Variants in TENM2 observed in about 807,000 individuals in gnomAD.
TENM2 encodes the protein teneurin-2.
TENM2 carries 52 observed loss-of-function variants against 245.2 expected under a neutral mutation model. The ratio of observed to expected loss-of-function variants is 0.21; its 90% CI spans 0.17 to 0.27. The LOEUF (loss-of-function observed/expected upper bound fraction) is 0.27, where lower values mean the gene tolerates loss of function less well. Ranked by LOEUF, TENM2 falls within the 10% of genes least tolerant of loss-of-function variation. TENM2 has a pLI of 1.00. For missense variants in TENM2, 3,046 were observed against 3,666.8 expected, an observed-to-expected ratio of 0.83 and a Z score of 4.37; for synonymous variants, 1,363 against 1,438.9, an observed-to-expected ratio of 0.95 and a Z score of 1.19.
At position 167,774,190 on chromosome 5, in the gene TENM2, GAGGGAAGGAGGA is replaced by G. The variant is rs1763590793; in HGVS notation, c.503-101790_503-101779del. On this transcript the variant is annotated intron_variant, in intron 2 of 28. Transcript: ENST00000518659. ...GAAGGAAGGAAGGAAAGAAGGGAGG[GAGGGAAGGAGGA>G]AGGGAGGGAGGGAGGAAGGAAGGAA... Among the ~76,000 whole-genome samples the G allele has an allele frequency of 2.6e-5, 3 of 115,166 alleles. No individual in the cohort carries two copies. In the East Asian group the frequency reaches 8.4e-4, roughly 32 times the overall value. 75.6% of individuals were successfully genotyped at this position (115,166 alleles called of 152,430 possible). A position where few individuals can be genotyped will look rare whatever the true frequency, so the allele number is the denominator to read the frequency against.
intron 2 of TENM2, among the ~76,000 whole-genome samples, chr5:167,588,150 C>T (rs1035311842): frequency 3.3e-5 from 5 of 152,202 alleles, no homozygotes; most frequent in Non-Finnish European, 1.5e-5. Context: ...TCATAAATGA[C>T]ATGAACGTGC....
chr5:167,222,416 G>T, the TENM2 span, among the ~76,000 whole-genome samples: 1 of 152,142 alleles, frequency 6.6e-6, no homozygotes, highest in African/African-American at 2.4e-5. Flanking sequence ...CACAGTTTTG[G>T]TTCCACGTAG....
At chr5:167,403,736 A>T (rs1762485511) in intron 2 of TENM2, among the ~76,000 whole-genome samples, 1 of 152,122 alleles carries the variant, frequency 6.6e-6, no homozygotes, top group African/African-American at 2.4e-5. Flanking sequence ...ATGATTTTTT[A>T]AAATCTTTAC....
intron 3 of TENM2, among the ~76,000 whole-genome samples, chr5:167,908,709 C>T (rs1364134740): frequency 1.4e-5 from 2 of 147,940 alleles, no homozygotes; most frequent in East Asian, 4.0e-4. Context: ...CTCTCTCTCT[C>T]CTTCTCTCTT....
At chr5:167,400,641 G>A (rs926703697) in intron 2 of TENM2, among the ~76,000 whole-genome samples, 2 of 151,974 alleles carry the variant, frequency 1.3e-5, no homozygotes, top group Admixed American at 1.3e-4. Flanking sequence ...ACTGGCAGAG[G>A]GAATATAAAG....
At chr5:167,599,004 AT>A (rs146915182) in intron 2 of TENM2, among the ~76,000 whole-genome samples, 4 of 152,182 alleles carry the variant, frequency 2.6e-5, no homozygotes, top group Middle Eastern at 3.4e-3. Flanking sequence ...GACAGTTGAA[AT>A]TTTTTTAGGC....
chr5:167,739,901 A>G (rs181051518), intron 2 of TENM2, among the ~76,000 whole-genome samples: 2 of 152,318 alleles, frequency 1.3e-5, no homozygotes, highest in East Asian at 1.9e-4. Flanking sequence ...GCAATATGTG[A>G]TAACTAATTA....
chr5:167,261,624 T>C, the TENM2 span, among the ~76,000 whole-genome samples: 4 of 152,118 alleles, frequency 2.6e-5, no homozygotes, highest in Non-Finnish European at 4.4e-5. Flanking sequence ...AAGGGGACCA[T>C]TTCTCCCTTT....
intron 7 of TENM2, among the ~76,000 whole-genome samples, chr5:168,066,264 C>T (rs1223832903): frequency 3.9e-5 from 6 of 152,158 alleles, no homozygotes; most frequent in African/African-American, 1.4e-4. Flanking sequence ...GCTTGGAAGT[C>T]ACACATATCA....
intron 2 of TENM2, among the ~76,000 whole-genome samples, chr5:167,650,458 T>A (rs1754381162): frequency 6.6e-6 from 1 of 152,212 alleles, no homozygotes; most frequent in African/African-American, 2.4e-5. Context: ...AATACATCTT[T>A]AATGCTGATC....
the TENM2 span, among the ~76,000 whole-genome samples, chr5:167,152,584 A>T: frequency 4.6e-5 from 7 of 152,280 alleles, no homozygotes; most frequent in East Asian, 5.8e-4. Flanking sequence ...TGGCATTTCT[A>T]GATACAGTAG....
intron 4 of TENM2, among the ~76,000 whole-genome samples, chr5:167,988,832 G>T (rs1035490811): frequency 2.0e-5 from 3 of 152,174 alleles, no homozygotes; most frequent in African/African-American, 7.2e-5. Flanking sequence ...TTTATTTTTA[G>T]AAGAAAGTGT....
intron 2 of TENM2, among the ~76,000 whole-genome samples, chr5:167,494,109 G>A (rs377022402): frequency 1.6e-4 from 24 of 152,184 alleles, no homozygotes; most frequent in African/African-American, 5.5e-4. Context: ...AATTCACTTA[G>A]CTAGTACTTA....
At chr5:167,474,944 A>C (rs1398625287) in intron 2 of TENM2, among the ~76,000 whole-genome samples, 1 of 152,208 alleles carries the variant, frequency 6.6e-6, no homozygotes, top group African/African-American at 2.4e-5. Flanking sequence ...ATTTCGGTTT[A>C]ATCAGTGAAC....
chr5:167,436,415 G>T (rs1025476692), intron 2 of TENM2, among the ~76,000 whole-genome samples: 1 of 152,128 alleles, frequency 6.6e-6, no homozygotes, highest in African/African-American at 2.4e-5. Context: ...CATTCAAGAG[G>T]TAATTTGGGT....
chr5:167,157,254 A>G, the TENM2 span, among the ~76,000 whole-genome samples: 1 of 152,182 alleles, frequency 6.6e-6, no homozygotes, highest in Non-Finnish European at 1.5e-5. Flanking sequence ...GAAGATGAAA[A>G]AATACCACAC....
chr5:167,301,553 G>A (rs1755328335), intron 1 of TENM2, among the ~76,000 whole-genome samples: 1 of 152,304 alleles, frequency 6.6e-6, no homozygotes, highest in Admixed American at 6.5e-5. Flanking sequence ...GTCCTGTTGT[G>A]GGGTTGGAGG....
In TENM2 at chr5:167,716,954, C is replaced by T. The variant is rs541418353; in HGVS notation, c.503-159032C>T. 5.3e-3 allele frequency among the ~76,000 whole-genome samples: 435 copies of T among 81,676 alleles called. 2 individuals are homozygous for T. Among genetic ancestry groups the T allele is most frequent in the African/African-American group, 0.012 (240 of 20,204 alleles). 53.6% of individuals were successfully genotyped at this position (81,676 alleles called of 152,430 possible). ...TTATTTTATTTTATTCTATTCTATT[C>T]TATTTTATTTTATTTTATTTTTGAG... On this transcript the variant is annotated intron_variant, in intron 2 of 28. Coordinates refer to ENST00000518659, the Ensembl canonical transcript of TENM2.
the TENM2 span, among the ~76,000 whole-genome samples, chr5:167,049,967 G>C: frequency 1.3e-5 from 2 of 152,174 alleles, no homozygotes; most frequent in Non-Finnish European, 2.9e-5. Flanking sequence ...GATGTAGTAG[G>C]AACCAATTAA....
Sources: allele counts gnomAD v4.1 joint callset (sites outside exome capture counted in the v4.1 genomes callset), GRCh38; gene constraint gnomAD v4.1.1; transcripts MANE v1.5; gene names NCBI Gene and HGNC (gene_info 2026-07-23, HGNC 2026-07-21).